The following GDAP1 variants were observed in gnomAD, a reference collection of about 807,000 sequenced individuals.
GDAP1 encodes ganglioside-induced differentiation-associated protein 1.
GDAP1 carries 34 observed loss-of-function variants against 40.1 expected under a neutral mutation model. The observed-to-expected ratio is 0.85, with a 90% CI of 0.64 to 1.13. The LOEUF is 1.13. Ranked by LOEUF, GDAP1 falls within the 50% of genes most tolerant of loss-of-function variation. The pLI, the probability that GDAP1 is intolerant of heterozygous loss-of-function variation, is 0.00. For missense variants in GDAP1, 374 were observed against 433.7 expected, an observed-to-expected ratio of 0.86 and a Z score of 1.22; for synonymous variants, 170 against 157.4, an observed-to-expected ratio of 1.08 and a Z score of -0.60.
At chr8:74,369,636 CAT>C (rs58023590), downstream of GDAP1, among the ~76,000 whole-genome samples, 95,576 of 149,668 alleles carry the variant, frequency 0.64, 30,776 homozygotes, top group South Asian at 0.76. Flanking sequence ...TGTGTGTGTG[CAT>C]ATATATATAT....
chr8:74,429,268 T>C (rs547351576), intron 2 of GDAP1, among the ~76,000 whole-genome samples: 6 of 152,070 alleles, frequency 3.9e-5, no homozygotes, highest in Non-Finnish European at 8.8e-5. Context: ...TTTCTAGTTC[T>C]AGATCCCTGA....
chr8:74,451,065 C>A lies in GDAP1; in HGVS notation c.166-37613C>A, dbSNP rs1806293460. On this transcript the variant is annotated intron_variant, in intron 2 of 2. Transcript: ENST00000523640. ...TTTAATGATATAGCTCTATCTACAT[C>A]CATCCTTTTTGTCATACATTTTATA... 3.6e-5 allele frequency among the ~76,000 whole-genome samples: 3 copies of A among 82,714 alleles called. 1 individual carries two copies. Among genetic ancestry groups the A allele is most frequent in the African/African-American group, 1.6e-4 (3 of 19,010 alleles). 54.3% of individuals were successfully genotyped at this position (82,714 alleles called of 152,430 possible). A position where few individuals can be genotyped will look rare whatever the true frequency, so the allele number is the denominator to read the frequency against.
At chr8:74,408,103 C>T (rs924347623) in intron 2 of GDAP1, among the ~76,000 whole-genome samples, 2 of 150,108 alleles carry the variant, frequency 1.3e-5, no homozygotes, top group Non-Finnish European at 2.9e-5. Context: ...AATTCTTTTA[C>T]ATTCCTGAGC....
chr8:74,406,235 A>G (rs1247567578), intron 2 of GDAP1, among the ~76,000 whole-genome samples: 1 of 150,262 alleles, frequency 6.7e-6, no homozygotes, highest in Non-Finnish European at 1.5e-5. Context: ...TGTGTGGTAC[A>G]CATGTCTTTT....
rs551524992 is a variant in GDAP1, at chr8:74,412,087, T to C, written c.165+60766T>C. On this transcript the variant is annotated intron_variant, in intron 2 of 2. Transcript: ENST00000523640. ...AAAAGTTGGGACATTTTCTTAGCGATGTCATTCAAGATTCCTACAGATGAA... is the reference window on the plus strand; with the variant it reads ...AAAAGTTGGGACATTTTCTTAGCGACGTCATTCAAGATTCCTACAGATGAA... Among the ~76,000 whole-genome samples, 209 of 150,056 alleles carry C rather than the reference T, an allele frequency of 1.4e-3. 7 individuals carry two copies. The highest frequency in any genetic ancestry group is 2.4e-3 in the Non-Finnish European group (164 of 68,020).
chr8:74,406,323 T>C (rs1407425077), intron 2 of GDAP1, among the ~76,000 whole-genome samples: 1 of 150,382 alleles, frequency 6.6e-6, no homozygotes. Flanking sequence ...TAATGAATTC[T>C]AGGCTAGCAA....
At position 74,469,495 on chromosome 8, in the gene GDAP1, C is replaced by T. The variant is rs1257812913; in HGVS notation, c.166-19183C>T. 2.0e-4 allele frequency among the ~76,000 whole-genome samples: 30 copies of T among 151,720 alleles called. 1 individual carries two copies. The highest frequency in any genetic ancestry group is 1.8e-3 in the Admixed American group (27 of 15,228). Reference sequence around the variant, plus strand: ...CATCTTGGCTAACACGATGAAACCCCGTCTCTACTAAAAATACAAAAAATT... The same window carrying T: ...CATCTTGGCTAACACGATGAAACCCTGTCTCTACTAAAAATACAAAAAATT... On this transcript the variant is annotated intron_variant, in intron 2 of 2. Coordinates refer to the GDAP1 transcript ENST00000523640.
intron 2 of GDAP1, among the ~76,000 whole-genome samples, chr8:74,421,284 C>CAA (rs1805854659): frequency 6.6e-6 from 1 of 151,930 alleles, no homozygotes; most frequent in Admixed American, 6.6e-5. Context: ...TCCAGGTTGT[C>CAA]AACACTCAAA....
At chr8:74,428,227 TAACAACAACAAC>T (rs112829936) in intron 2 of GDAP1, among the ~76,000 whole-genome samples, 1 of 151,248 alleles carries the variant, frequency 6.6e-6, no homozygotes, top group Admixed American at 6.6e-5. Flanking sequence ...ACCCCATTGC[TAACAACAACAAC>T]AACAACAACA....
intron 2 of GDAP1, among the ~76,000 whole-genome samples, chr8:74,457,310 T>G (rs17350701): frequency 0.29 from 44,776 of 151,968 alleles, 8,071 homozygotes; most frequent in Non-Finnish European, 0.38. Flanking sequence ...ATTTCTAATC[T>G]TGTGAGCAAT....
intron 2 of GDAP1, among the ~76,000 whole-genome samples, chr8:74,384,781 T>C (rs1374406160): frequency 6.6e-6 from 1 of 152,230 alleles, no homozygotes; most frequent in African/African-American, 2.4e-5. Flanking sequence ...TGTATCATTG[T>C]GTAGCTGCAC....
At chr8:74,427,499 T>C (rs1169546154) in intron 2 of GDAP1, among the ~76,000 whole-genome samples, 2 of 152,216 alleles carry the variant, frequency 1.3e-5, no homozygotes, top group Non-Finnish European at 2.9e-5. Flanking sequence ...TTAGTTTTCC[T>C]TGGGCAATCA....
intron 2 of GDAP1, among the ~76,000 whole-genome samples, chr8:74,405,275 A>C (rs1158055178): frequency 6.7e-6 from 1 of 149,934 alleles, no homozygotes; most frequent in African/African-American, 2.5e-5. Context: ...AATTATTTCC[A>C]CCTGGCCTGG....
At chr8:74,486,551 G>T (rs1291865974) in intron 2 of GDAP1, among the ~76,000 whole-genome samples, 1 of 152,198 alleles carries the variant, frequency 6.6e-6, no homozygotes, top group Non-Finnish European at 1.5e-5. Flanking sequence ...TTCACACAAA[G>T]AGGTTGAAAG....
At chr8:74,458,698 A>T (rs1277653085) in intron 2 of GDAP1, among the ~76,000 whole-genome samples, 1 of 152,182 alleles carries the variant, frequency 6.6e-6, no homozygotes. Flanking sequence ...AAATAGTGTC[A>T]CCTCAAAATT....
At chr8:74,367,705 A>G (rs4738452), downstream of GDAP1, among the ~76,000 whole-genome samples, 28,512 of 152,232 alleles carry the variant, frequency 0.19, 2,937 homozygotes, top group Admixed American at 0.31. Flanking sequence ...TAGGTAGGGT[A>G]GTAGATTCCA....
At chr8:74,407,169 C>A (rs1228515180) in intron 2 of GDAP1, among the ~76,000 whole-genome samples, 2 of 149,904 alleles carry the variant, frequency 1.3e-5, no homozygotes, top group East Asian at 3.8e-4. Flanking sequence ...CGGTGGCTCA[C>A]CTCTGTGATC....
chr8:74,476,725 C>T (rs889039030), intron 2 of GDAP1, among the ~76,000 whole-genome samples: 1 of 152,144 alleles, frequency 6.6e-6, no homozygotes, highest in African/African-American at 2.4e-5. Flanking sequence ...TTTTTTCTTT[C>T]ATTTTGAGCT....
At chr8:74,385,949 C>A (rs1167972676) in intron 2 of GDAP1, among the ~76,000 whole-genome samples, 1 of 152,166 alleles carries the variant, frequency 6.6e-6, no homozygotes, top group African/African-American at 2.4e-5. Context: ...TGATGATGAG[C>A]TTTTTTTCAT....
Sources: allele counts gnomAD v4.1 joint callset (sites outside exome capture counted in the v4.1 genomes callset), GRCh38; gene constraint gnomAD v4.1.1; transcripts MANE v1.5; gene names NCBI Gene and HGNC (gene_info 2026-07-23, HGNC 2026-07-21).